Variants in CSMD1 observed in about 807,000 individuals in gnomAD.
CSMD1 encodes the protein CUB and Sushi multiple domains 1.
In CSMD1, 213 loss-of-function variants were observed where a neutral mutation model predicts 417.5. The observed-to-expected ratio is 0.51, with a 90% CI of 0.46 to 0.57. CSMD1 has a LOEUF of 0.57. Ranked by LOEUF, CSMD1 falls within the 20% of genes least tolerant of loss-of-function variation. The pLI is 0.00. For synonymous variants in CSMD1, 2,862 were observed against 1,736.8 expected (o/e 1.65, Z -16.11); for missense variants, 6,923 against 4,529.7 (o/e 1.53, Z -15.17).
At position 3,719,292 on chromosome 8, in the gene CSMD1, C is replaced by T. The variant is rs1217739092; in HGVS notation, c.932-10801G>A. On this transcript the variant is annotated intron_variant, in intron 6 of 69. Coordinates refer to ENST00000635120, the MANE Select transcript of CSMD1 (RefSeq NM_033225.6). ...CCCAGTTTCAGCAAAAAGGCCACTGCCCTAGAGGCCCAGATAGCTGAGCTC... is the reference window on the plus strand; with the variant it reads ...CCCAGTTTCAGCAAAAAGGCCACTGTCCTAGAGGCCCAGATAGCTGAGCTC... Among the ~76,000 whole-genome samples the T allele has an allele frequency of 1.6e-4, 25 of 152,234 alleles. 1 individual carries two copies. The highest frequency in any genetic ancestry group is 7.8e-4 in the Admixed American group (12 of 15,292).
chr8:3,359,943 C>G (rs1809047794), intron 20 of CSMD1, among the ~76,000 whole-genome samples: 1 of 152,152 alleles, frequency 6.6e-6, no homozygotes, highest in African/African-American at 2.4e-5. Flanking sequence ...TCAAAACTGT[C>G]AGCTTGAGAG....
At chr8:4,473,142 C>A (rs1194538544) in intron 2 of CSMD1, among the ~76,000 whole-genome samples, 1 of 152,074 alleles carries the variant, frequency 6.6e-6, no homozygotes. Context: ...TAGTAAATTC[C>A]TGGAATATAG....
At chr8:4,597,641 C>A (rs955139615) in intron 2 of CSMD1, among the ~76,000 whole-genome samples, 9 of 152,122 alleles carry the variant, frequency 5.9e-5, no homozygotes, top group Admixed American at 1.3e-4. Context: ...CTTGAGACAT[C>A]TGTAGCATAC....
intron 3 of CSMD1, among the ~76,000 whole-genome samples, chr8:4,342,112 C>A (rs1229246565): frequency 6.6e-6 from 1 of 152,002 alleles, no homozygotes; most frequent in Non-Finnish European, 1.5e-5. Context: ...CATGGTAACT[C>A]CACAATCTCT....
chr8:4,460,261 C>G (rs985300177), intron 2 of CSMD1, among the ~76,000 whole-genome samples: 2 of 151,850 alleles, frequency 1.3e-5, no homozygotes, highest in Non-Finnish European at 2.9e-5. Flanking sequence ...AAAGAAATCA[C>G]TAGGGAAATT....
At chr8:3,795,527 GATATATATCTATCATA>G (rs1800027981) in intron 5 of CSMD1, among the ~76,000 whole-genome samples, 1 of 1,262 alleles carries the variant, frequency 7.9e-4, no homozygotes, top group Non-Finnish European at 1.2e-3. Context: ...CATAGATATA[GATATATATCTATCATA>G]GATATAGATA....
chr8:4,743,483 C>T (rs769242932), intron 1 of CSMD1, among the ~76,000 whole-genome samples: 3 of 152,074 alleles, frequency 2.0e-5, no homozygotes, highest in Non-Finnish European at 4.4e-5. Flanking sequence ...TCAGAAACAC[C>T]GGAGCGTCAA....
intron 1 of CSMD1, among the ~76,000 whole-genome samples, chr8:4,956,121 C>T (rs1378009849): frequency 2.0e-5 from 3 of 152,134 alleles, no homozygotes; most frequent in Non-Finnish European, 4.4e-5. Flanking sequence ...CTGCTAATTA[C>T]TTTCTCGCTC....
chr8:4,461,993 G>T (rs956340516), intron 2 of CSMD1, among the ~76,000 whole-genome samples: 5 of 151,796 alleles, frequency 3.3e-5, no homozygotes, highest in East Asian at 1.9e-4. Flanking sequence ...CGCCCACCTC[G>T]GCCTCCCAAA....
chr8:3,588,734 G>T (rs140210502), intron 8 of CSMD1, among the ~76,000 whole-genome samples: 4 of 142,380 alleles, frequency 2.8e-5, no homozygotes, highest in South Asian at 4.6e-4. Flanking sequence ...CAAACGAGAT[G>T]ACATCAAACT....
At chr8:3,393,610 C>G (rs980090401) in intron 17 of CSMD1, among the ~76,000 whole-genome samples, 1 of 152,036 alleles carries the variant, frequency 6.6e-6, no homozygotes, top group Non-Finnish European at 1.5e-5. Context: ...AAATGATAGA[C>G]TGGATTGAGA....
intron 3 of CSMD1, among the ~76,000 whole-genome samples, chr8:4,123,917 C>G (rs1802621614): frequency 6.6e-6 from 1 of 152,046 alleles, no homozygotes; most frequent in East Asian, 1.9e-4. Flanking sequence ...CAATCTCTTA[C>G]AAAGAAGTTT....
At chr8:4,764,450 T>TTAAGAATACAG in intron 1 of CSMD1, among the ~76,000 whole-genome samples, 1 of 152,204 alleles carries the variant, frequency 6.6e-6, no homozygotes, top group Non-Finnish European at 1.5e-5. Flanking sequence ...AAGATAATTT[T>TTAAGAATACAG]ACGTTATCGT....
intron 5 of CSMD1, among the ~76,000 whole-genome samples, chr8:3,890,581 T>C (rs1220174186): frequency 1.3e-5 from 2 of 152,140 alleles, no homozygotes; most frequent in Non-Finnish European, 2.9e-5. Flanking sequence ...ATAAGGTTTT[T>C]ATGCCGATTT....
chr8:3,157,993 A>T (rs1431992409), intron 38 of CSMD1, 27 bp from the exon 39 acceptor site: 1 of 1,513,214 alleles, frequency 6.6e-7, no homozygotes, highest in Admixed American at 2.0e-5. Flanking sequence ...AAAAGAAAAT[A>T]CATATAACTA....
At chr8:4,072,794 G>A (rs930305185) in intron 3 of CSMD1, among the ~76,000 whole-genome samples, 2 of 152,156 alleles carry the variant, frequency 1.3e-5, no homozygotes. Context: ...TGGAAATTGA[G>A]TATGAAGCTC....
chr8:4,645,467 A>AG (rs34836656), intron 1 of CSMD1, among the ~76,000 whole-genome samples: 1 of 145,956 alleles, frequency 6.9e-6, no homozygotes, highest in East Asian at 2.1e-4. Context: ...AAAAAAAAAA[A>AG]GGCAAGCAAA....
chr8:4,413,976 C>G (rs1042276682), intron 3 of CSMD1, among the ~76,000 whole-genome samples: 1 of 152,144 alleles, frequency 6.6e-6, no homozygotes. Flanking sequence ...AAATCTACAA[C>G]AATGTTACAC....
At chr8:3,814,524 C>T (rs1275110467) in intron 5 of CSMD1, among the ~76,000 whole-genome samples, 1 of 152,188 alleles carries the variant, frequency 6.6e-6, no homozygotes, top group Non-Finnish European at 1.5e-5. Context: ...CGCCATTTGG[C>T]ACTACCTGGA....
Sources: gnomAD v4.1 joint callset for allele counts (sites outside exome capture counted in the v4.1 genomes callset) on GRCh38, gnomAD v4.1.1 for gene constraint, MANE v1.5 for transcripts, NCBI Gene and HGNC (gene_info 2026-07-23, HGNC 2026-07-21) for gene names.